NKAIN3: variants seen among roughly 807,000 people sequenced by gnomAD.
NKAIN3 encodes the protein sodium/potassium transporting ATPase interacting 3.
In NKAIN3, 25 loss-of-function variants were observed where a neutral mutation model predicts 30.2. That is an observed-to-expected ratio of 0.83 (90% CI 0.60 to 1.16). The LOEUF (loss-of-function observed/expected upper bound fraction) is 1.16. Among genes scored for constraint, NKAIN3 ranks in the 50% most tolerant of loss-of-function variants. The pLI, the probability that NKAIN3 is intolerant of heterozygous loss-of-function variation, is 0.00. For missense variants in NKAIN3, 225 were observed against 254.1 expected, an observed-to-expected ratio of 0.89 and a Z score of 0.78; for synonymous variants, 91 against 89.6, an observed-to-expected ratio of 1.02 and a Z score of -0.09.
chr8:62,645,393 CTG>C (rs769680169), intron 3 of NKAIN3, among the ~76,000 whole-genome samples: 7 of 152,012 alleles, frequency 4.6e-5, no homozygotes, highest in Non-Finnish European at 8.8e-5. Context: ...ATTTATGACT[CTG>C]TGATAAATGT....
chr8:62,356,023 A>G (rs909476902), intron 1 of NKAIN3, among the ~76,000 whole-genome samples: 7 of 152,210 alleles, frequency 4.6e-5, no homozygotes, highest in African/African-American at 7.2e-5. Flanking sequence ...GGTGGCAGGT[A>G]TAAGGGCATA....
Position 62,346,883 on chromosome 8 carries a change from C to T in NKAIN3, c.54+97756C>T, listed in dbSNP as rs139878377. Among the ~76,000 whole-genome samples, 558 of 152,164 alleles carry T rather than the reference C, an allele frequency of 3.7e-3. 5 individuals carry two copies. Among genetic ancestry groups the T allele is most frequent in the African/African-American group, 0.013 (539 of 41,524 alleles). On this transcript the variant is annotated intron_variant, in intron 1 of 6. Transcript: ENST00000623646. ...TACATTAACTGCTAAGTAGCCTACTCGAGGAGCAAATGAATGACATAACAT... is the reference window on the plus strand; with the variant it reads ...TACATTAACTGCTAAGTAGCCTACTTGAGGAGCAAATGAATGACATAACAT...
chr8:62,870,256 A>ATAGATATAGATATAGATATCTATATC lies in NKAIN3; in HGVS notation c.472-48195_472-48194insGATATAGATATAGATATCTATATCTA, dbSNP rs1820572286. ...TATAGATATCTATAGATATCTATAT[A>ATAGATATAGATATAGATATCTATATC]TATATCTATATATAGATATATATAA... On this transcript the variant is annotated intron_variant, in intron 4 of 6. Transcript: ENST00000623646. Among the ~76,000 whole-genome samples the ATAGATATAGATATAGATATCTATATC allele has an allele frequency of 1.8e-3, 83 of 45,522 alleles. 4 individuals are homozygous for ATAGATATAGATATAGATATCTATATC. The highest frequency in any genetic ancestry group is 5.9e-3 in the African/African-American group (53 of 9,056). The allele number at this position is 45,522 out of a possible 152,430, so 29.9% of individuals were successfully genotyped here. A position where few individuals can be genotyped will look rare whatever the true frequency, so the allele number is the denominator to read the frequency against.
chr8:62,710,198 G>A (rs1223123507), intron 3 of NKAIN3, among the ~76,000 whole-genome samples: 1 of 151,976 alleles, frequency 6.6e-6, no homozygotes, highest in Non-Finnish European at 1.5e-5. Context: ...TGTATTCTGT[G>A]GTTGTTGGAT....
At chr8:62,586,241 A>C (rs568808756) in intron 2 of NKAIN3, among the ~76,000 whole-genome samples, 4 of 152,322 alleles carry the variant, frequency 2.6e-5, no homozygotes, top group African/African-American at 9.6e-5. Context: ...ACTGCTCAAC[A>C]TGAAATTGAG....
chr8:62,345,060 T>C (rs1815887521), intron 1 of NKAIN3, among the ~76,000 whole-genome samples: 2 of 151,958 alleles, frequency 1.3e-5, no homozygotes, highest in Admixed American at 1.3e-4. Flanking sequence ...TTTTATTTTT[T>C]GGTAGCTATT....
intron 1 of NKAIN3, among the ~76,000 whole-genome samples, chr8:62,260,794 A>C (rs1408116244): frequency 6.6e-6 from 1 of 152,194 alleles, no homozygotes; most frequent in East Asian, 1.9e-4. Flanking sequence ...ATTATATTAA[A>C]AACAAAAGTA....
intron 1 of NKAIN3, among the ~76,000 whole-genome samples, chr8:62,477,370 T>A (rs1439925950): frequency 1.3e-5 from 2 of 151,846 alleles, no homozygotes; most frequent in Non-Finnish European, 2.9e-5. Flanking sequence ...AACTGGTGAA[T>A]TGGATGAATG....
intron 1 of NKAIN3, among the ~76,000 whole-genome samples, chr8:62,320,740 A>T (rs920298828): frequency 4.6e-4 from 70 of 152,122 alleles, no homozygotes; most frequent in African/African-American, 1.6e-3. Context: ...GGGTATCCCG[A>T]CCTTTCTCTC....
chr8:62,610,297 A>G (rs1659084856), intron 3 of NKAIN3, among the ~76,000 whole-genome samples: 1 of 151,744 alleles, frequency 6.6e-6, no homozygotes, highest in Admixed American at 6.6e-5. Flanking sequence ...GTGAGCCAAG[A>G]TCATACCATT....
At chr8:62,277,068 A>G (rs2129394930) in intron 1 of NKAIN3, among the ~76,000 whole-genome samples, 1 of 152,320 alleles carries the variant, frequency 6.6e-6, no homozygotes, top group South Asian at 2.1e-4. Context: ...TTTCAAATTT[A>G]ATAATGATGC....
At chr8:62,780,020 T>C (rs1817309323) in intron 4 of NKAIN3, among the ~76,000 whole-genome samples, 1 of 151,734 alleles carries the variant, frequency 6.6e-6, no homozygotes, top group Non-Finnish European at 1.5e-5. Context: ...AAAAAGTTGG[T>C]TCCTAGAAAA....
chr8:62,933,029 C>CACACACACACACA (rs3222063), intron 5 of NKAIN3, among the ~76,000 whole-genome samples: 8 of 151,292 alleles, frequency 5.3e-5, no homozygotes, highest in South Asian at 2.1e-4. Flanking sequence ...CACACACACA[C>CACACACACACACA]CAGGGAATGA....
chr8:62,383,379 A>T, intron 1 of NKAIN3: 1 of 364,208 alleles, frequency 2.7e-6, no homozygotes. Flanking sequence ...TGTATTTGCA[A>T]ACAAGTGGAG....
intron 3 of NKAIN3, among the ~76,000 whole-genome samples, chr8:62,612,546 T>TC (rs1217513415): frequency 6.6e-6 from 1 of 151,774 alleles, no homozygotes; most frequent in African/African-American, 2.4e-5. Context: ...TTGTTTTTTT[T>TC]TTTAATCCAG....
chr8:62,993,412 CAAACTT>C (rs1804020863), intron 5 of NKAIN3, among the ~76,000 whole-genome samples: 1 of 152,178 alleles, frequency 6.6e-6, no homozygotes, highest in Non-Finnish European at 1.5e-5. Context: ...AAAATGTACT[CAAACTT>C]TAAGTTTCCA....
chr8:62,875,175 C>A (rs898850758), intron 4 of NKAIN3, among the ~76,000 whole-genome samples: 4 of 152,078 alleles, frequency 2.6e-5, no homozygotes, highest in African/African-American at 7.2e-5. Context: ...TTCCTATACA[C>A]CAACAATAGG....
chr8:62,794,708 C>T (rs907883846), intron 4 of NKAIN3, among the ~76,000 whole-genome samples: 6 of 152,108 alleles, frequency 3.9e-5, no homozygotes, highest in Non-Finnish European at 7.4e-5. Flanking sequence ...GTCAGACTTC[C>T]TGGTAGTTGC....
At chr8:62,402,292 G>T (rs1302500630) in intron 1 of NKAIN3, among the ~76,000 whole-genome samples, 1 of 152,132 alleles carries the variant, frequency 6.6e-6, no homozygotes, top group Non-Finnish European at 1.5e-5. Flanking sequence ...AATGCTTCCA[G>T]GCCTGGAACT....
Sources: allele counts gnomAD v4.1 joint callset (sites outside exome capture counted in the v4.1 genomes callset), GRCh38; gene constraint gnomAD v4.1.1; transcripts MANE v1.5; gene names NCBI Gene and HGNC (gene_info 2026-07-23, HGNC 2026-07-21).